The following PCDHA8 variants were observed in gnomAD, a reference collection of about 807,000 sequenced individuals.
PCDHA8 encodes the protein protocadherin alpha 8.
In PCDHA8, 53 loss-of-function variants were observed where a neutral mutation model predicts 61.8. That is an observed-to-expected ratio of 0.86 (90% CI 0.69 to 1.08). PCDHA8 has a LOEUF of 1.08. Ranked by LOEUF, PCDHA8 falls within the 50% of genes least tolerant of loss-of-function variation. PCDHA8 has a pLI of 0.00. For missense variants in PCDHA8, 1,293 were observed against 1,245.0 expected (o/e 1.04, Z -0.58); for synonymous variants, 618 against 556.6 (o/e 1.11, Z -1.55).
chr5:140,853,297 G>T, intron 1 of PCDHA8: 1 of 981,768 alleles, frequency 1.0e-6, no homozygotes, highest in Non-Finnish European at 1.2e-6. Context: ...TCTCAGAAGG[G>T]CTGTGAACAC....
chr5:140,863,405 C>A (rs1554158176), intron 1 of PCDHA8: 1 of 799,642 alleles, frequency 1.3e-6, no homozygotes, highest in East Asian at 4.2e-5. Flanking sequence ...GGCAAGCCCA[C>A]GCTGGTGTAC....
intron 1 of PCDHA8, among the ~76,000 whole-genome samples, chr5:140,948,015 C>CCTTTT (rs71276332): frequency 0.56 from 84,575 of 150,344 alleles, 24,313 homozygotes; most frequent in African/African-American, 0.69. Context: ...TAGGAAGTAC[C>CCTTTT]CTTTCTGGTT....
chr5:140,984,644 C>T (rs969349039), intron 3 of PCDHA8, among the ~76,000 whole-genome samples: 20 of 152,136 alleles, frequency 1.3e-4, no homozygotes, highest in African/African-American at 4.3e-4. Context: ...CTGCCTTCTC[C>T]CTGTCCTTCT....
chr5:140,919,915 A>G (rs1306747919), intron 1 of PCDHA8, among the ~76,000 whole-genome samples: 1 of 152,202 alleles, frequency 6.6e-6, no homozygotes, highest in Non-Finnish European at 1.5e-5. Context: ...AAATTACCCT[A>G]AATTTTCAGG....
chr5:140,866,808 G>C (rs995846650), intron 1 of PCDHA8: 1 of 152,114 alleles, frequency 6.6e-6, no homozygotes, highest in East Asian at 1.9e-4. Context: ...CAGGCACAAA[G>C]TTCCTTAATC....
chr5:140,979,004 A>T lies in PCDHA8; in HGVS notation c.2450A>T (p.His817Leu). ...RYSASLRAGM[H>L]SSVHLEEAGI... Reference sequence around the variant, plus strand: ...TCTGCCTCCCTGAGAGCAGGCATGCACAGGTATGTATTTCCCTCCTCATTC... The same window carrying T: ...TCTGCCTCCCTGAGAGCAGGCATGCTCAGGTATGTATTTCCCTCCTCATTC... Residue 817 changes from histidine (H) to leucine (L), a missense_variant, in exon 2 of 4, where the codon CAC becomes CTC. His to Leu is a moderately conservative substitution (Grantham distance 99). Coordinates refer to ENST00000531613, the MANE Select transcript of PCDHA8 (RefSeq NM_018911.3). The T allele has an allele frequency of 6.2e-7, 1 of 1,614,144 alleles. No homozygotes were observed. Among genetic ancestry groups the T allele is most frequent in the South Asian group, 1.1e-5 (1 of 91,052 alleles).
At chr5:140,861,347 G>C (rs2046872625) in intron 1 of PCDHA8, 2 of 297,216 alleles carry the variant, frequency 6.7e-6, no homozygotes, top group Non-Finnish European at 6.8e-6. Context: ...GGCCAAGGAC[G>C]GCACATAGCG....
chr5:140,877,074 G>A (rs1554169286), intron 1 of PCDHA8: 1 of 1,613,132 alleles, frequency 6.2e-7, no homozygotes, highest in Non-Finnish European at 8.5e-7. Flanking sequence ...TGCAGTTCCA[G>A]GTGAGCGCGC....
intron 1 of PCDHA8, among the ~76,000 whole-genome samples, chr5:140,915,632 CT>C (rs782761734): frequency 6.2e-5 from 9 of 144,496 alleles, no homozygotes; most frequent in Non-Finnish European, 1.3e-4. Context: ...TTCTGTCTCT[CT>C]CTCTCTCTCT....
rs371069140 is a variant in PCDHA8, at chr5:141,011,291, A to G, written c.*1354A>G. ...CTCTTTGGTTTAGTTTTCCTTTTCT[A>G]TAACACTCTGAATTGCTAATCTTAC... is the stretch of plus-strand genomic sequence containing the variant. On this transcript the variant is annotated 3_prime_UTR_variant, in exon 4 of 4. Coordinates refer to ENST00000531613, the MANE Select transcript of PCDHA8 (RefSeq NM_018911.3). 6 of 153,852 alleles carry G rather than the reference A, an allele frequency of 3.9e-5. No homozygotes were observed. The highest frequency in any genetic ancestry group is 8.8e-5 in the Non-Finnish European group (6 of 68,024). 9.5% of individuals were successfully genotyped at this position (153,852 alleles called of 1,614,324 possible).
At chr5:140,935,665 T>C (rs2090490152) in intron 1 of PCDHA8, among the ~76,000 whole-genome samples, 1 of 152,182 alleles carries the variant, frequency 6.6e-6, no homozygotes, top group Non-Finnish European at 1.5e-5. Context: ...TCTTTTATAA[T>C]TATGTGAAAT....
At position 141,010,838 on chromosome 5, in the gene PCDHA8, T is replaced by G. The variant is rs2154002200; in HGVS notation, c.*901T>G. 1.3e-5 allele frequency: 2 copies of G among 153,860 alleles called. No homozygotes were observed. The highest frequency in any genetic ancestry group is 2.9e-5 in the Non-Finnish European group (2 of 68,042). The allele number at this position is 153,860 out of a possible 1,614,324, so 9.5% of individuals were successfully genotyped here. On this transcript the variant is annotated 3_prime_UTR_variant, in exon 4 of 4. Coordinates refer to ENST00000531613, the MANE Select transcript of PCDHA8 (RefSeq NM_018911.3). ...TTTCGCTGTTTGTTGTTTCATAGAT[T>G]TATTTAAAAAAAGAGAAAGTCTATA...
At chr5:140,909,439 G>C (rs1348703640) in intron 1 of PCDHA8, among the ~76,000 whole-genome samples, 1 of 152,210 alleles carries the variant, frequency 6.6e-6, no homozygotes, top group Admixed American at 6.5e-5. Context: ...ATAATCCACT[G>C]TCATTCTCCA....
At chr5:140,873,725 A>G (rs1235492447) in intron 1 of PCDHA8, among the ~76,000 whole-genome samples, 7 of 152,112 alleles carry the variant, frequency 4.6e-5, no homozygotes, top group Non-Finnish European at 7.4e-5. Context: ...CAGTGGCGCA[A>G]TCTCAGCTCA....
chr5:140,887,023 A>T (rs561705710), intron 1 of PCDHA8, among the ~76,000 whole-genome samples: 3 of 152,050 alleles, frequency 2.0e-5, no homozygotes, highest in South Asian at 2.1e-4. Flanking sequence ...TGCCTGAAAA[A>T]TTTCTTTAAT....
At chr5:140,874,328 T>G (rs937817026) in intron 1 of PCDHA8, among the ~76,000 whole-genome samples, 1 of 144,806 alleles carries the variant, frequency 6.9e-6, no homozygotes, top group African/African-American at 2.9e-5. Flanking sequence ...TCTTATCTGT[T>G]TTTTTCTCTT....
At chr5:140,848,661 C>G in intron 1 of PCDHA8, 1 of 1,592,380 alleles carries the variant, frequency 6.3e-7, no homozygotes, top group African/African-American at 1.3e-5. Context: ...GGGGCTGGAG[C>G]TGGCGGAGCT....
At chr5:140,963,421 T>C (rs1554226598) in intron 1 of PCDHA8, among the ~76,000 whole-genome samples, 2 of 152,252 alleles carry the variant, frequency 1.3e-5, no homozygotes, top group African/African-American at 4.8e-5. Flanking sequence ...ACAGCATGTT[T>C]AGGAACTAAC....
chr5:140,987,797 T>A (rs967250070), intron 3 of PCDHA8, among the ~76,000 whole-genome samples: 23 of 152,308 alleles, frequency 1.5e-4, no homozygotes, highest in African/African-American at 4.3e-4. Flanking sequence ...AAGATTTTTT[T>A]AAAGTGCCTG....
Sources: gnomAD v4.1 joint callset for allele counts (sites outside exome capture counted in the v4.1 genomes callset) on GRCh38, gnomAD v4.1.1 for gene constraint, MANE v1.5 for transcripts, NCBI Gene and HGNC (gene_info 2026-07-23, HGNC 2026-07-21) for gene names.